PCMT1: variants seen among roughly 807,000 people sequenced by gnomAD.
PCMT1 encodes protein-L-isoaspartate (D-aspartate) O-methyltransferase.
In PCMT1, 9 loss-of-function variants were observed where a neutral mutation model predicts 29.2. That is an observed-to-expected ratio of 0.31 (90% CI 0.19 to 0.54). PCMT1 has a LOEUF of 0.54. Among genes scored for constraint, PCMT1 ranks in the 20% least tolerant of loss-of-function variants. The probability of loss-of-function intolerance (pLI) is 0.95; values close to 1 mark genes in which losing one functional copy is unlikely to be tolerated. For synonymous variants in PCMT1, 98 were observed against 97.5 expected, an observed-to-expected ratio of 1.00 and a Z score of -0.03; for missense variants, 184 against 282.2, an observed-to-expected ratio of 0.65 and a Z score of 2.49.
intron 3 of PCMT1, among the ~76,000 whole-genome samples, chr6:149,785,171 T>C (rs1787972243): frequency 6.8e-6 from 1 of 148,000 alleles, no homozygotes; most frequent in African/African-American, 2.6e-5. Flanking sequence ...GGTTGACTTA[T>C]TCTTAAAACT....
intron 4 of PCMT1, among the ~76,000 whole-genome samples, chr6:149,792,451 C>T (rs1394863381): frequency 2.6e-5 from 4 of 152,098 alleles, no homozygotes. Context: ...TTTCTTGAAA[C>T]ATTTATACTT....
rs745465285 is a variant in PCMT1 at position 149,797,099 on chromosome 6, C to G, written c.504+599C>G. 174 of 152,360 alleles carry G rather than the reference C, an allele frequency of 1.1e-3. 2 individuals carry two copies. The highest frequency in any genetic ancestry group is 1.3e-3 in the Non-Finnish European group (89 of 68,110). 9.4% of individuals were successfully genotyped at this position (152,360 alleles called of 1,614,324 possible). A position where few individuals can be genotyped will look rare whatever the true frequency, so the allele number is the denominator to read the frequency against. ...AAAGTGCTGGGATTACAGGTGTGAGCCACTGCACCCGGCCAGTTTGATGTT... is the reference window on the plus strand; with the variant it reads ...AAAGTGCTGGGATTACAGGTGTGAGGCACTGCACCCGGCCAGTTTGATGTT... On this transcript the variant is annotated intron_variant, in intron 6 of 7. Coordinates refer to ENST00000464889, the MANE Select transcript of PCMT1 (RefSeq NM_001360452.2).
Position 149,766,072 on chromosome 6 carries a change from T to C in PCMT1, c.56-5090T>C, listed in dbSNP as rs1329043982. Among the ~76,000 whole-genome samples the C allele has an allele frequency of 2.6e-5, 4 of 152,152 alleles. No individual in the cohort carries two copies. The East Asian group carries it at 7.7e-4, about 29-fold the overall frequency. On this transcript the variant is annotated intron_variant, in intron 1 of 7. Transcript: ENST00000464889. ...TGTACAGCAGTCAGTGATCTAATTA[T>C]ACTTTCCCTTTTTTCCTCCTCCCAT... is the stretch of plus-strand genomic sequence containing the variant.
At position 149,763,003 on chromosome 6, in the gene PCMT1, T is replaced by TATATATCTATGATATATATG. The variant is rs1786888756; in HGVS notation, c.56-8143_56-8124dup. Among the ~76,000 whole-genome samples the TATATATCTATGATATATATG allele has an allele frequency of 7.8e-5, 5 of 64,408 alleles. 1 individual carries two copies. The highest frequency in any genetic ancestry group is 1.1e-4 in the Non-Finnish European group (5 of 45,750). 42.3% of individuals were successfully genotyped at this position (64,408 alleles called of 152,430 possible). ...ATATATATCTATGATATATATGATA[T>TATATATCTATGATATATATG]ATATATCTATGATATATATGATATA... On this transcript the variant is annotated intron_variant, in intron 1 of 7. Coordinates refer to ENST00000464889, the MANE Select transcript of PCMT1 (RefSeq NM_001360452.2).
chr6:149,754,472 T>C (rs1756853632), intron 1 of PCMT1, among the ~76,000 whole-genome samples: 1 of 152,178 alleles, frequency 6.6e-6, no homozygotes, highest in Non-Finnish European at 1.5e-5. Context: ...TTTAGGAAGA[T>C]AGCCAGAGTA....
intron 1 of PCMT1, among the ~76,000 whole-genome samples, chr6:149,766,218 A>G (rs753465259): frequency 9.2e-5 from 14 of 152,112 alleles, no homozygotes; most frequent in Admixed American, 2.0e-4. Flanking sequence ...GTCCTTTGCC[A>G]ACATATCCCT....
intron 1 of PCMT1, among the ~76,000 whole-genome samples, chr6:149,756,952 C>G (rs947026445): frequency 1.3e-5 from 2 of 151,774 alleles, no homozygotes; most frequent in Non-Finnish European, 2.9e-5. Context: ...GTCAGGGGTA[C>G]CAGACCAGCC....
At chr6:149,765,194 AC>A (rs1260250518) in intron 1 of PCMT1, among the ~76,000 whole-genome samples, 1 of 149,940 alleles carries the variant, frequency 6.7e-6, no homozygotes, top group Non-Finnish European at 1.5e-5. Context: ...CCCCGTCTCT[AC>A]TAAAAATACA....
chr6:149,790,797 C>T (rs1788333853), intron 4 of PCMT1, among the ~76,000 whole-genome samples: 1 of 151,948 alleles, frequency 6.6e-6, no homozygotes, highest in African/African-American at 2.4e-5. Flanking sequence ...TCACATGAGG[C>T]CAGGAGTTCG....
At chr6:149,766,101 T>G (rs2115237110) in intron 1 of PCMT1, among the ~76,000 whole-genome samples, 1 of 152,264 alleles carries the variant, frequency 6.6e-6, no homozygotes, top group South Asian at 2.1e-4. Context: ...CTCCCATTGT[T>G]TTTAGTTGTA....
intron 2 of PCMT1, 79 bp from the exon 3 acceptor site, chr6:149,773,059 T>G: frequency 9.5e-7 from 1 of 1,047,684 alleles, no homozygotes; most frequent in Non-Finnish European, 1.4e-6. Context: ...AAATAACGTA[T>G]GGATGGTAGA....
chr6:149,808,008 G>A (rs143788517), intron 7 of PCMT1, among the ~76,000 whole-genome samples: 12 of 151,956 alleles, frequency 7.9e-5, no homozygotes, highest in African/African-American at 2.7e-4. Flanking sequence ...ATAGTGCTTC[G>A]TACAAAGCAA....
At chr6:149,786,166 A>AC (rs1393022428) in intron 3 of PCMT1, among the ~76,000 whole-genome samples, 10,050 of 51,124 alleles carry the variant, frequency 0.2, 2,788 homozygotes, top group East Asian at 0.74. Flanking sequence ...CGGGGGGCTG[A>AC]CCCCCCAACC....
At chr6:149,758,978 G>C (rs1342054751) in intron 1 of PCMT1, among the ~76,000 whole-genome samples, 2 of 152,014 alleles carry the variant, frequency 1.3e-5, no homozygotes, top group Admixed American at 1.3e-4. Flanking sequence ...GTGGGTTCAA[G>C]TGATTCTCCT....
chr6:149,808,505 CT>C (rs1286593693), intron 7 of PCMT1, among the ~76,000 whole-genome samples: 1 of 152,020 alleles, frequency 6.6e-6, no homozygotes, highest in Non-Finnish European at 1.5e-5. Flanking sequence ...AACCTAATTT[CT>C]TTTCCTTTTT....
intron 3 of PCMT1, among the ~76,000 whole-genome samples, chr6:149,788,816 G>C (rs1363342632): frequency 6.6e-6 from 1 of 152,148 alleles, no homozygotes; most frequent in Non-Finnish European, 1.5e-5. Flanking sequence ...TAGTCCACTA[G>C]TTTTAGCTTC....
At chr6:149,753,337 G>GTTT (rs1393652627) in intron 1 of PCMT1, among the ~76,000 whole-genome samples, 1 of 143,282 alleles carries the variant, frequency 7.0e-6, no homozygotes, top group Non-Finnish European at 1.5e-5. Flanking sequence ...ATTTTTAATG[G>GTTT]TTTTTTTTTT....
Position 149,752,870 on chromosome 6 carries a change from T to A in PCMT1, c.55+2914T>A, listed in dbSNP as rs77351042. Among the ~76,000 whole-genome samples, 274 of 152,350 alleles carry A rather than the reference T, an allele frequency of 1.8e-3. 1 individual carries two copies. Among genetic ancestry groups the A allele is most frequent in the African/African-American group, 6.3e-3 (260 of 41,574 alleles). On this transcript the variant is annotated intron_variant, in intron 1 of 7. Transcript: ENST00000464889. ...CTAGATAGATCTTTTCCCGGTGGTT[T>A]CATAATCACTTTAATGTATTGCATT... is the stretch of plus-strand genomic sequence containing the variant.
chr6:149,770,799 C>T (rs908842993), intron 1 of PCMT1, among the ~76,000 whole-genome samples: 4 of 149,666 alleles, frequency 2.7e-5, no homozygotes, highest in African/African-American at 4.9e-5. Context: ...GTCAGGAGAT[C>T]GAGACCATCC....
Sources: allele counts gnomAD v4.1 joint callset (sites outside exome capture counted in the v4.1 genomes callset), GRCh38; gene constraint gnomAD v4.1.1; transcripts MANE v1.5; gene names NCBI Gene and HGNC (gene_info 2026-07-23, HGNC 2026-07-21).